The following SEPTIN6 variants were observed in gnomAD, a reference collection of about 807,000 sequenced individuals.
The protein encoded by SEPTIN6 is septin 6.
SEPTIN6 carries 8 observed loss-of-function variants against 33.6 expected under a neutral mutation model. That is an observed-to-expected ratio of 0.24 (90% CI 0.14 to 0.43). The LOEUF is 0.43. SEPTIN6 is among the 20% of genes least tolerant of loss of function. The probability of loss-of-function intolerance (pLI) is 1.00; values close to 1 mark genes in which losing one functional copy is unlikely to be tolerated. For synonymous variants in SEPTIN6, 131 were observed against 140.0 expected, an observed-to-expected ratio of 0.94 and a Z score of 0.45; for missense variants, 250 against 340.8, an observed-to-expected ratio of 0.73 and a Z score of 2.10.
chrX:119,659,304 A>C (rs1021587347), intron 3 of SEPTIN6, among the ~76,000 whole-genome samples: 2 of 111,495 alleles, frequency 1.8e-5, no homozygotes, highest in Non-Finnish European at 3.8e-5. Flanking sequence ...TTTCTGTTCC[A>C]TTGCTCTTTT....
intron 1 of SEPTIN6, among the ~76,000 whole-genome samples, chrX:119,684,577 G>A (rs374437582): frequency 4.0e-5 from 4 of 100,072 alleles, no homozygotes; most frequent in Non-Finnish European, 7.9e-5. Flanking sequence ...TGCAACCTCC[G>A]TCTCCAGGGT....
intron 10 of SEPTIN6, among the ~76,000 whole-genome samples, chrX:119,620,785 T>TA: frequency 9.1e-6 from 1 of 110,005 alleles, no homozygotes; most frequent in Non-Finnish European, 1.9e-5. Context: ...CACGCTCGGC[T>TA]AATTTTTGTA....
chrX:119,617,131 T>C lies in SEPTIN6; in HGVS notation c.*2962A>G. 1.2e-6 allele frequency: 1 copy of C among 822,064 alleles called. No individual in the cohort carries two copies. The highest frequency in any genetic ancestry group is 1.5e-6 in the Non-Finnish European group (1 of 681,137). The allele number at this position is 822,064 out of a possible 1,213,427, so 67.7% of individuals were successfully genotyped here. A position where few individuals can be genotyped will look rare whatever the true frequency, so the allele number is the denominator to read the frequency against. ...GTGTGTGTGTGTGTGTGTGTGTGTG[T>C]GTGTGTGTGTGTGTGTGTTTCAGAA... is the stretch of plus-strand genomic sequence containing the variant. On this transcript the variant is annotated 3_prime_UTR_variant, in exon 11 of 11. Transcript: ENST00000394610.
rs140651518 is a variant in SEPTIN6 at position 119,685,616 on chromosome X, T to G, written c.30+7460A>C. 7.2e-5 allele frequency among the ~76,000 whole-genome samples: 8 copies of G among 111,332 alleles called. No homozygotes were observed. In the East Asian group the frequency reaches 2.0e-3, roughly 28 times the overall value. On this transcript the variant is annotated intron_variant, in intron 1 of 10. Coordinates refer to ENST00000394610, the MANE Select transcript of SEPTIN6 (RefSeq NM_145799.4). ...AGACTGATTTAGTGACAGAGAATAG[T>G]GCTAGGATCCAGGCCCCTGTCGAGC...
At chrX:119,640,471 T>C (rs1037378808) in intron 6 of SEPTIN6, among the ~76,000 whole-genome samples, 1 of 100,196 alleles carries the variant, frequency 1.0e-5, no homozygotes, top group Non-Finnish European at 2.0e-5. Flanking sequence ...GTTTTAGGAA[T>C]ACCTTTCCCA....
At chrX:119,683,098 C>T (rs981151106) in intron 1 of SEPTIN6, among the ~76,000 whole-genome samples, 2 of 111,640 alleles carry the variant, frequency 1.8e-5, no homozygotes, top group Non-Finnish European at 3.8e-5. Flanking sequence ...ACTGAAAATA[C>T]AAAAATTAGC....
intron 8 of SEPTIN6, 141 bp from the exon 9 acceptor site, chrX:119,629,649 C>T (rs1287953660): frequency 1.2e-5 from 6 of 492,297 alleles, no homozygotes; most frequent in Admixed American, 1.1e-4. Context: ...TCAGGGATTG[C>T]TATGATGGCA....
rs2055207652 is a variant in SEPTIN6, at chrX:119,693,123, G to A, written c.-18C>T. On this transcript the variant is annotated 5_prime_UTR_variant, in exon 1 of 11. Transcript: ENST00000394610. ...GCTGCCATCGCTCCTGCGTCCGCCAGGGCTGCCACGGGTGCCGCCGCAACG... is the reference window on the plus strand; with the variant it reads ...GCTGCCATCGCTCCTGCGTCCGCCAAGGCTGCCACGGGTGCCGCCGCAACG... The A allele has an allele frequency of 8.6e-7, 1 of 1,166,721 alleles. No individual in the cohort carries two copies. Among genetic ancestry groups the A allele is most frequent in the African/African-American group, 1.8e-5 (1 of 56,224 alleles).
rs767675864 is a variant in SEPTIN6 at position 119,663,363 on chromosome X, T to C, written c.341+119A>G. ...GAGGTACCTGCTGCTGCCCACACCA[T>C]TCTGGGAGGACAGGCTTGGGCCCGA... is the stretch of plus-strand genomic sequence containing the variant. On this transcript the variant is annotated intron_variant, in intron 3 of 10. Coordinates refer to ENST00000394610, the MANE Select transcript of SEPTIN6 (RefSeq NM_145799.4). 1.3e-5 allele frequency: 8 copies of C among 597,583 alleles called. No individual in the cohort carries two copies. The East Asian group carries it at 2.7e-4, about 20-fold the overall frequency. 49.2% of individuals were successfully genotyped at this position (597,583 alleles called of 1,213,427 possible). A position where few individuals can be genotyped will look rare whatever the true frequency, so the allele number is the denominator to read the frequency against.
Position 119,671,531 on chromosome X carries a change from G to A in SEPTIN6, c.145+4023C>T, listed in dbSNP as rs755752103. On this transcript the variant is annotated intron_variant, in intron 2 of 10. Transcript: ENST00000394610. ...TCTCGATCTCCTGACCTCATGATCC[G>A]CCCACCTCGGCCTCCCAAAGTGCTG... Among the ~76,000 whole-genome samples the A allele has an allele frequency of 8.2e-5, 9 of 109,287 alleles. No homozygotes were observed. The South Asian group carries it at 1.3e-3, about 15-fold the overall frequency. 94.9% of individuals were successfully genotyped at this position (109,287 alleles called of 115,157 possible).
In SEPTIN6 at chrX:119,617,463, AC is replaced by A. The variant is rs1354049065; in HGVS notation, c.*2629del. On this transcript the variant is annotated 3_prime_UTR_variant, in exon 11 of 11. Transcript: ENST00000394610. ...GCACCTGTTACACACAGTCTCCTGGACCCCGTTCCAGCCTTGCAGCATCACT... is the reference window on the plus strand; with the variant it reads ...GCACCTGTTACACACAGTCTCCTGGACCCGTTCCAGCCTTGCAGCATCACT... 1.2e-6 allele frequency: 1 copy of A among 802,189 alleles called. No homozygotes were observed. Among genetic ancestry groups the A allele is most frequent in the Admixed American group, 7.8e-5 (1 of 12,892 alleles). 66.1% of individuals were successfully genotyped at this position (802,189 alleles called of 1,213,427 possible).
intron 6 of SEPTIN6, among the ~76,000 whole-genome samples, chrX:119,638,320 T>C (rs1162615177): frequency 1.8e-5 from 2 of 111,499 alleles, no homozygotes; most frequent in Non-Finnish European, 3.8e-5. Context: ...AGGTCTGCAA[T>C]TTGGGGCAGT....
chrX:119,670,751 C>T (rs1399319119), intron 2 of SEPTIN6, among the ~76,000 whole-genome samples: 1 of 108,558 alleles, frequency 9.2e-6, no homozygotes. Context: ...CCAGCCTGAC[C>T]AACATGGAGA....
chrX:119,624,646 C>T (rs968198760), intron 10 of SEPTIN6, among the ~76,000 whole-genome samples: 5 of 111,379 alleles, frequency 4.5e-5, no homozygotes, highest in Admixed American at 9.6e-5. Flanking sequence ...CATTGCAGGA[C>T]GGAGCTTGTG....
chrX:119,679,404 G>C lies in SEPTIN6; in HGVS notation c.31-3736C>G, dbSNP rs147347472. Among the ~76,000 whole-genome samples the C allele has an allele frequency of 5.1e-3, 564 of 111,584 alleles. 2 individuals are homozygous for C. The highest frequency in any genetic ancestry group is 0.017 in the African/African-American group (537 of 30,695). On this transcript the variant is annotated intron_variant, in intron 1 of 10. Coordinates refer to ENST00000394610, the MANE Select transcript of SEPTIN6 (RefSeq NM_145799.4). ...TGCAGGGTGTTTGCTTGATTGGATGGACAGAGAGACTAGGAGCAGGAAGAC... is the reference window on the plus strand; with the variant it reads ...TGCAGGGTGTTTGCTTGATTGGATGCACAGAGAGACTAGGAGCAGGAAGAC...
chrX:119,635,008 C>CAAAAAA (rs56090830), intron 7 of SEPTIN6: 9 of 146,722 alleles, frequency 6.1e-5, no homozygotes, highest in East Asian at 1.6e-4. Context: ...GACTCTGTCT[C>CAAAAAA]AAAAAAAAAA....
intron 4 of SEPTIN6, among the ~76,000 whole-genome samples, chrX:119,652,302 A>G (rs1320610953): frequency 9.0e-6 from 1 of 111,350 alleles, no homozygotes; most frequent in Non-Finnish European, 1.9e-5. Flanking sequence ...ACATGGGGTC[A>G]CAGATCTGAG....
At chrX:119,648,669 A>C (rs5957202) in intron 5 of SEPTIN6, among the ~76,000 whole-genome samples, 53,672 of 110,211 alleles carry the variant, frequency 0.49, 10,478 homozygotes, top group African/African-American at 0.73. Flanking sequence ...GGAAGTCAGG[A>C]GAGACAATGA....
chrX:119,617,179 T>TA lies in SEPTIN6; in HGVS notation c.*2913dup, dbSNP rs2053679525. The TA allele has an allele frequency of 1.2e-6, 1 of 809,794 alleles. No homozygotes were observed. The highest frequency in any genetic ancestry group is 7.3e-5 in the Admixed American group (1 of 13,637). 66.7% of individuals were successfully genotyped at this position (809,794 alleles called of 1,213,427 possible). ...GAAAAGCCACTCCAGTCTGGGAAAATAAAAGCACAGACCATTTCTAATGAC... is the reference window on the plus strand; with the variant it reads ...GAAAAGCCACTCCAGTCTGGGAAAATAAAAAGCACAGACCATTTCTAATGAC... On this transcript the variant is annotated 3_prime_UTR_variant, in exon 11 of 11. Coordinates refer to ENST00000394610, the MANE Select transcript of SEPTIN6 (RefSeq NM_145799.4).
Sources: gnomAD v4.1 joint callset for allele counts (sites outside exome capture counted in the v4.1 genomes callset) on GRCh38, gnomAD v4.1.1 for gene constraint, MANE v1.5 for transcripts, NCBI Gene and HGNC (gene_info 2026-07-23, HGNC 2026-07-21) for gene names.